Variants in DNAI3 observed in about 807,000 individuals in gnomAD.
DNAI3 encodes dynein axonemal intermediate chain 3, also known as WD repeat domain 63.
In DNAI3, 83 loss-of-function variants were observed where a neutral mutation model predicts 115.5. The observed-to-expected ratio is 0.72, with a 90% CI of 0.60 to 0.86. DNAI3 has a LOEUF of 0.86. DNAI3 is among the 40% of genes least tolerant of loss of function. The probability of loss-of-function intolerance (pLI) is 0.00; values close to 1 mark genes in which losing one functional copy is unlikely to be tolerated. For synonymous variants in DNAI3, 320 were observed against 347.0 expected (o/e 0.92, Z 0.86); for missense variants, 1,004 against 1,075.8 (o/e 0.93, Z 0.93).
At chr1:85,104,737 G>A (rs1655434120) in intron 14 of DNAI3, 140 bp downstream of exon 14, 1 of 705,628 alleles carries the variant, frequency 1.4e-6, no homozygotes, top group East Asian at 2.8e-5. Flanking sequence ...AGAATGTTAT[G>A]GATTGTTGCT....
intron 4 of DNAI3, 40 bp downstream of exon 4, chr1:85,081,455 AG>A: frequency 6.7e-7 from 1 of 1,496,820 alleles, no homozygotes; most frequent in Non-Finnish European, 8.8e-7. Context: ...TCCTACCTCA[AG>A]AAGTTCCTGG....
intron 22 of DNAI3, 65 bp from the exon 23 acceptor site, chr1:85,132,775 ACAAACAGCCCCTTCT>A (rs1191750758): frequency 9.1e-6 from 14 of 1,537,584 alleles, no homozygotes; most frequent in Non-Finnish European, 1.2e-5. Flanking sequence ...TCAACTATTC[ACAAACAGCCCCTTCT>A]CATCCTTTGG....
intron 13 of DNAI3, among the ~76,000 whole-genome samples, chr1:85,101,020 C>G (rs1317476527): frequency 6.6e-6 from 1 of 151,450 alleles, no homozygotes; most frequent in African/African-American, 2.4e-5. Context: ...ATACCTAATG[C>G]TAAATGACGA....
intron 1 of DNAI3, among the ~76,000 whole-genome samples, chr1:85,071,670 A>T (rs528700079): frequency 6.6e-6 from 1 of 152,280 alleles, no homozygotes; most frequent in South Asian, 2.1e-4. Flanking sequence ...TATGGCTGAG[A>T]CTTTGTTCTG....
intron 3 of DNAI3, among the ~76,000 whole-genome samples, chr1:85,073,480 T>G (rs1231846429): frequency 6.6e-6 from 1 of 152,244 alleles, no homozygotes; most frequent in East Asian, 1.9e-4. Flanking sequence ...GAGGCTGGTT[T>G]TTAAGCAAAT....
intron 3 of DNAI3, among the ~76,000 whole-genome samples, chr1:85,080,224 T>C (rs963163914): frequency 6.6e-6 from 1 of 151,812 alleles, no homozygotes; most frequent in African/African-American, 2.4e-5. Flanking sequence ...GCTAATTTTT[T>C]GTATTTTTAG....
intron 16 of DNAI3, among the ~76,000 whole-genome samples, chr1:85,114,251 A>T (rs1204376135): frequency 1.3e-5 from 2 of 152,016 alleles, no homozygotes; most frequent in Non-Finnish European, 2.9e-5. Context: ...GACCTCAGGT[A>T]ATCCACCTGC....
chr1:85,098,475 G>A, intron 12 of DNAI3, 55 bp from the exon 13 acceptor site: 1 of 1,586,512 alleles, frequency 6.3e-7, no homozygotes, highest in South Asian at 1.2e-5. Flanking sequence ...TAAAGTATGA[G>A]TTCATTCATC....
In DNAI3 at chr1:85,097,532, T is replaced by G. The variant is rs1273420892; in HGVS notation, c.1264-37T>G. ...AAAATTAAGACTCAATTAGATATTT[T>G]CTGAAAAGGTTATGATAACATTTAT... On this transcript the variant is annotated intron_variant, in intron 11 of 22. Transcript: ENST00000294664. The G allele has an allele frequency of 3.2e-6, 5 of 1,555,350 alleles. No homozygotes were observed. The South Asian group carries it at 6.2e-5, about 19-fold the overall frequency.
Position 85,073,044 on chromosome 1 carries a change from T to C in DNAI3, c.65-10T>C. 6.6e-7 allele frequency: 1 copy of C among 1,509,272 alleles called. No homozygotes were observed. Among genetic ancestry groups the C allele is most frequent in the Non-Finnish European group, 8.9e-7 (1 of 1,122,060 alleles). The allele number at this position is 1,509,272 out of a possible 1,614,324, so 93.5% of individuals were successfully genotyped here. ...AAATGTAAATTTGACTTCCTTTTAT[T>C]ATATTCTAGCTAGTGAAGACATGGA... On this transcript the variant is annotated splice_polypyrimidine_tract_variant and intron_variant, in intron 2 of 22. Transcript: ENST00000294664.
chr1:85,122,129 G>A (rs771847651), intron 18 of DNAI3, among the ~76,000 whole-genome samples: 6 of 152,102 alleles, frequency 3.9e-5, no homozygotes, highest in Non-Finnish European at 7.4e-5. Flanking sequence ...CTTAAATGAC[G>A]GAGAAACTTG....
At chr1:85,092,170 C>A (rs1209731849) in intron 8 of DNAI3, among the ~76,000 whole-genome samples, 1 of 152,126 alleles carries the variant, frequency 6.6e-6, no homozygotes, top group African/African-American at 2.4e-5. Flanking sequence ...CTAACAGCCC[C>A]AGGTCATGTT....
At chr1:85,064,770 C>T (rs187349617) in intron 1 of DNAI3, among the ~76,000 whole-genome samples, 13 of 152,196 alleles carry the variant, frequency 8.5e-5, no homozygotes, top group Non-Finnish European at 1.2e-4. Flanking sequence ...CAGTGACTCA[C>T]GCCTGTAATC....
chr1:85,097,624 G>A lies in DNAI3; in HGVS notation c.1319G>A (p.Gly440Asp), dbSNP rs1211843714. Reference sequence around the variant, plus strand: ...GATCGCATAGAAAACATTAAGGCAGGTGGTAGTAGAAGTAAAAGAGCCACA... The same window carrying A: ...GATCGCATAGAAAACATTAAGGCAGATGGTAGTAGAAGTAAAAGAGCCACA... ...HADRIENIKA[G>D]GSRSKRATLK... The change falls in exon 12 of 23, where the codon GGT (glycine) becomes GAT (aspartate). Residue 440 changes from glycine to aspartate, a missense_variant. Gly to Asp is a moderately conservative substitution (Grantham distance 94). Coordinates refer to ENST00000294664, the MANE Select transcript of DNAI3 (RefSeq NM_145172.5). 3 of 1,612,662 alleles carry A rather than the reference G, an allele frequency of 1.9e-6. No homozygotes were observed. The African/African-American group carries it at 4.0e-5, about 22-fold the overall frequency.
intron 15 of DNAI3, among the ~76,000 whole-genome samples, chr1:85,108,704 C>G (rs1233423364): frequency 6.6e-6 from 1 of 152,268 alleles, no homozygotes. Flanking sequence ...TGGGCTTCTG[C>G]TGAACCCATC....
chr1:85,120,494 C>G (rs868579587), intron 17 of DNAI3, among the ~76,000 whole-genome samples: 2 of 152,158 alleles, frequency 1.3e-5, no homozygotes, highest in South Asian at 4.2e-4. Context: ...ATACGATGAG[C>G]CTTCAACACA....
intron 16 of DNAI3, 82 bp downstream of exon 16, chr1:85,110,217 T>A (rs1274646862): frequency 6.3e-6 from 8 of 1,261,744 alleles, no homozygotes; most frequent in Non-Finnish European, 8.9e-6. Flanking sequence ...TTCGGGAGGC[T>A]GAGGCGGGCG....
intron 12 of DNAI3, among the ~76,000 whole-genome samples, chr1:85,098,204 A>T (rs373316855): frequency 1.3e-5 from 2 of 152,314 alleles, no homozygotes; most frequent in East Asian, 3.9e-4. Flanking sequence ...CCTTAACATC[A>T]ACAAGTCTCT....
intron 2 of DNAI3, among the ~76,000 whole-genome samples, chr1:85,072,733 A>G (rs1654317852): frequency 6.6e-6 from 1 of 151,862 alleles, no homozygotes; most frequent in Non-Finnish European, 1.5e-5. Context: ...AGGTGGACGG[A>G]TCACAAGGTC....
Sources: gnomAD v4.1 joint callset for allele counts (sites outside exome capture counted in the v4.1 genomes callset) on GRCh38, gnomAD v4.1.1 for gene constraint, MANE v1.5 for transcripts, NCBI Gene and HGNC (gene_info 2026-07-23, HGNC 2026-07-21) for gene names.